ACTR3C: variants seen among roughly 807,000 people sequenced by gnomAD.
ACTR3C encodes the protein actin-related protein 3C.
A neutral mutation model predicts 26.3 loss-of-function variants in ACTR3C; 18 were observed. That is an observed-to-expected ratio of 0.68 (90% CI 0.47 to 1.01). The LOEUF is 1.01. ACTR3C is among the 50% of genes least tolerant of loss of function. ACTR3C has a pLI of 0.00. For missense variants in ACTR3C, 184 were observed against 250.7 expected (o/e 0.73, Z 1.80); for synonymous variants, 55 against 94.5 (o/e 0.58, Z 2.42).
the ACTR3C span, among the ~76,000 whole-genome samples, chr7:149,945,869 G>A: frequency 6.6e-6 from 1 of 152,198 alleles, no homozygotes; most frequent in Non-Finnish European, 1.5e-5. Context: ...TTAGATGACA[G>A]TCTACAGATC....
the ACTR3C span, among the ~76,000 whole-genome samples, chr7:150,014,251 C>G: frequency 6.6e-6 from 1 of 152,046 alleles, no homozygotes; most frequent in Non-Finnish European, 1.5e-5. Flanking sequence ...GTCAGGAGAT[C>G]GAGACCATCC....
chr7:150,108,172 C>T, the ACTR3C span, among the ~76,000 whole-genome samples: 1 of 150,190 alleles, frequency 6.7e-6, no homozygotes, highest in African/African-American at 2.5e-5. Flanking sequence ...ATGGAGGATG[C>T]AAGTGATGGC....
At chr7:149,888,596 T>C in the ACTR3C span, among the ~76,000 whole-genome samples, 6 of 152,368 alleles carry the variant, frequency 3.9e-5, no homozygotes, top group Middle Eastern at 6.8e-3. Flanking sequence ...AAGTTCTTTA[T>C]ATATTCTTGG....
chr7:149,926,251 A>G, the ACTR3C span, among the ~76,000 whole-genome samples: 1 of 152,262 alleles, frequency 6.6e-6, no homozygotes, highest in Non-Finnish European at 1.5e-5. Context: ...AACGTATATC[A>G]TTAAGGGTTA....
At chr7:150,059,557 AC>A in the ACTR3C span, among the ~76,000 whole-genome samples, 1 of 152,236 alleles carries the variant, frequency 6.6e-6, no homozygotes, top group Non-Finnish European at 1.5e-5. Flanking sequence ...TGGTAAAGCC[AC>A]AGAGGAGGAG....
At chr7:150,207,953 A>T in the ACTR3C span, among the ~76,000 whole-genome samples, 2 of 152,234 alleles carry the variant, frequency 1.3e-5, no homozygotes, top group Admixed American at 6.5e-5. Flanking sequence ...AAATTTTCCC[A>T]GAGATTTTCA....
At chr7:150,186,170 G>A in the ACTR3C span, among the ~76,000 whole-genome samples, 26 of 152,160 alleles carry the variant, frequency 1.7e-4, no homozygotes, top group Non-Finnish European at 2.4e-4. Flanking sequence ...TCATTAATCT[G>A]CATTAAAAAC....
At position 150,300,986 on chromosome 7, in the gene ACTR3C, A is replaced by G. The variant is rs2689431; in HGVS notation, c.-51-5639T>C. Among the ~76,000 whole-genome samples the G allele has an allele frequency of 2.0e-3, 299 of 151,982 alleles. 1 individual carries two copies. The highest frequency in any genetic ancestry group is 6.0e-3 in the African/African-American group (250 of 41,512). On this transcript the variant is annotated intron_variant, in intron 1 of 7. Transcript: ENST00000683684. Reference sequence around the variant, plus strand: ...CAATCTCTCTCTTAAGCTACCTCCTATCGATCTGAAAAGCGGGCCTAATAA... The same window carrying G: ...CAATCTCTCTCTTAAGCTACCTCCTGTCGATCTGAAAAGCGGGCCTAATAA...
At chr7:150,067,796 TGG>T in the ACTR3C span, among the ~76,000 whole-genome samples, 1 of 31,390 alleles carries the variant, frequency 3.2e-5, no homozygotes, top group Non-Finnish European at 5.4e-5. Flanking sequence ...AAGGGGGTGG[TGG>T]GGGGGGATGG....
the ACTR3C span, among the ~76,000 whole-genome samples, chr7:149,989,151 TA>T: frequency 6.6e-5 from 10 of 152,132 alleles, no homozygotes; most frequent in East Asian, 3.9e-4. Context: ...CATGTTCATT[TA>T]AAAAAAATGT....
At chr7:150,166,372 T>C in the ACTR3C span, among the ~76,000 whole-genome samples, 1 of 150,990 alleles carries the variant, frequency 6.6e-6, no homozygotes, top group Admixed American at 6.5e-5. Flanking sequence ...CTTCAAATCA[T>C]TTCTTCCAGC....
chr7:149,977,421 CCT>C, the ACTR3C span, among the ~76,000 whole-genome samples: 2 of 152,194 alleles, frequency 1.3e-5, no homozygotes, highest in East Asian at 1.9e-4. Flanking sequence ...TTTTTAAACC[CCT>C]GTCTTCCTCT....
At chr7:149,959,873 C>T in the ACTR3C span, among the ~76,000 whole-genome samples, 1 of 152,164 alleles carries the variant, frequency 6.6e-6, no homozygotes, top group Admixed American at 6.5e-5. Context: ...CGGACATACA[C>T]TGTGGTAAGA....
rs928988305 is a variant in ACTR3C, at chr7:150,264,475, C to T, written c.565-15421G>A. 1.8e-4 allele frequency: 117 copies of T among 649,746 alleles called. 1 individual carries two copies. Among genetic ancestry groups the T allele is most frequent in the Non-Finnish European group, 2.0e-4 (106 of 525,470 alleles). The allele number at this position is 649,746 out of a possible 1,614,324, so 40.2% of individuals were successfully genotyped here. A position where few individuals can be genotyped will look rare whatever the true frequency, so the allele number is the denominator to read the frequency against. ...AGGAACATCATGAGCTCAGAAAGTA[C>T]GCAGCAAATGAGAAGAATGTGGAAC... On this transcript the variant is annotated intron_variant, in intron 6 of 7. Coordinates refer to ENST00000683684, the MANE Select transcript of ACTR3C (RefSeq NM_001164458.2).
At chr7:150,040,796 T>C in the ACTR3C span, 23 of 146,164 alleles carry the variant, frequency 1.6e-4, no homozygotes, top group African/African-American at 5.1e-4. Flanking sequence ...GTCCCCGCCT[T>C]GCGGGGGGTG....
the ACTR3C span, among the ~76,000 whole-genome samples, chr7:150,098,815 G>C: frequency 6.6e-6 from 1 of 151,682 alleles, no homozygotes; most frequent in Non-Finnish European, 1.5e-5. Flanking sequence ...GGAAACAATC[G>C]TCAGTATCTG....
chr7:150,314,785 AAAC>A (rs1008047063), intron 1 of ACTR3C, among the ~76,000 whole-genome samples: 60 of 149,036 alleles, frequency 4.0e-4, no homozygotes, highest in East Asian at 3.1e-3. Context: ...AAAAAAAAAA[AAAC>A]AACAACAACA....
chr7:150,283,988 C>T (rs1835556558), intron 6 of ACTR3C, among the ~76,000 whole-genome samples: 1 of 151,082 alleles, frequency 6.6e-6, no homozygotes, highest in Non-Finnish European at 1.5e-5. Context: ...TCAAAATTCC[C>T]TGAAATCTAA....
the ACTR3C span, among the ~76,000 whole-genome samples, chr7:149,887,487 C>G: frequency 6.6e-6 from 1 of 152,196 alleles, no homozygotes; most frequent in African/African-American, 2.4e-5. Context: ...CAGGCGCCTT[C>G]CAGGTGCCAG....
Sources: gnomAD v4.1 joint callset for allele counts (sites outside exome capture counted in the v4.1 genomes callset) on GRCh38, gnomAD v4.1.1 for gene constraint, MANE v1.5 for transcripts, NCBI Gene and HGNC (gene_info 2026-07-23, HGNC 2026-07-21) for gene names.